Variants in CHCHD3 observed in about 807,000 individuals in gnomAD.
CHCHD3 encodes the protein MICOS complex subunit MIC19.
In CHCHD3, 20 loss-of-function variants were observed where a neutral mutation model predicts 38.2. The ratio of observed to expected loss-of-function variants is 0.52; its 90% confidence interval spans 0.37 to 0.76. The LOEUF (loss-of-function observed/expected upper bound fraction) is 0.76, where lower values mean the gene tolerates loss of function less well. Among genes scored for constraint, CHCHD3 ranks in the 30% least tolerant of loss-of-function variants. The pLI is 0.00. For missense variants in CHCHD3, 245 were observed against 279.2 expected, an observed-to-expected ratio of 0.88 and a Z score of 0.87; for synonymous variants, 82 against 100.0, an observed-to-expected ratio of 0.82 and a Z score of 1.07.
intron 5 of CHCHD3, chr7:132,849,478 A>G (rs1808161312): frequency 6.6e-6 from 1 of 152,160 alleles, no homozygotes; most frequent in Admixed American, 6.5e-5. Flanking sequence ...AATCCATATC[A>G]CCAGTCATCA....
chr7:132,921,993 A>G (rs147217441), intron 4 of CHCHD3, among the ~76,000 whole-genome samples: 1 of 152,356 alleles, frequency 6.6e-6, no homozygotes, highest in East Asian at 1.9e-4. Flanking sequence ...AACAGTCCAT[A>G]AGAAGTGCAG....
intron 6 of CHCHD3, chr7:132,813,441 G>C (rs1349295257): frequency 2.6e-5 from 4 of 152,048 alleles, no homozygotes; most frequent in Admixed American, 2.0e-4. Flanking sequence ...TGGAAGCTTG[G>C]GCAAGTTTCT....
At chr7:132,908,276 T>C (rs980965150) in intron 4 of CHCHD3, among the ~76,000 whole-genome samples, 1 of 152,174 alleles carries the variant, frequency 6.6e-6, no homozygotes, top group Non-Finnish European at 1.5e-5. Flanking sequence ...GTGTCCAACT[T>C]GACAAAAGTA....
At chr7:132,801,312 A>T (rs1298119962) in intron 6 of CHCHD3, among the ~76,000 whole-genome samples, 1 of 152,134 alleles carries the variant, frequency 6.6e-6, no homozygotes, top group Admixed American at 6.5e-5. Context: ...GATCTGAAAA[A>T]TTCAATTTTA....
intron 4 of CHCHD3, among the ~76,000 whole-genome samples, chr7:132,963,186 A>C (rs1417527517): frequency 6.7e-6 from 1 of 149,532 alleles, no homozygotes; most frequent in Non-Finnish European, 1.5e-5. Flanking sequence ...TGTAGGCAGA[A>C]ATAGAATGAT....
chr7:132,992,300 C>T (rs1055861890), intron 3 of CHCHD3, among the ~76,000 whole-genome samples: 4 of 152,210 alleles, frequency 2.6e-5, no homozygotes, highest in African/African-American at 9.7e-5. Flanking sequence ...ACTGACCCTA[C>T]CTACTGGCAC....
At chr7:132,918,674 C>A (rs1413158341) in intron 4 of CHCHD3, among the ~76,000 whole-genome samples, 1 of 152,140 alleles carries the variant, frequency 6.6e-6, no homozygotes, top group Non-Finnish European at 1.5e-5. Context: ...GTGCAGAACC[C>A]TTCTAGATTT....
At chr7:132,857,006 T>C (rs767649274) in intron 5 of CHCHD3, among the ~76,000 whole-genome samples, 2 of 152,216 alleles carry the variant, frequency 1.3e-5, no homozygotes, top group African/African-American at 2.4e-5. Flanking sequence ...GCTGCAGTTT[T>C]TGGTTTAGTG....
chr7:132,973,783 G>A, intron 4 of CHCHD3: 2 of 1,084,776 alleles, frequency 1.8e-6, no homozygotes, highest in South Asian at 2.5e-5. Context: ...GACTAGAAAT[G>A]AGCCTTCTTC....
At chr7:132,875,603 C>T (rs1258346739) in intron 5 of CHCHD3, among the ~76,000 whole-genome samples, 1 of 152,180 alleles carries the variant, frequency 6.6e-6, no homozygotes, top group Non-Finnish European at 1.5e-5. Flanking sequence ...TCCATGGGCC[C>T]ATTGCGCCAC....
At chr7:132,906,274 T>C (rs1054886036) in intron 4 of CHCHD3, among the ~76,000 whole-genome samples, 1 of 152,206 alleles carries the variant, frequency 6.6e-6, no homozygotes, top group African/African-American at 2.4e-5. Context: ...ATTTGTCACT[T>C]TGCACAAAAT....
chr7:132,875,850 C>A (rs942761179), intron 5 of CHCHD3, among the ~76,000 whole-genome samples: 1 of 152,218 alleles, frequency 6.6e-6, no homozygotes, highest in Non-Finnish European at 1.5e-5. Flanking sequence ...TCATTAAATG[C>A]CAACCTTACT....
chr7:132,978,936 T>A (rs970509903), intron 3 of CHCHD3, among the ~76,000 whole-genome samples: 25 of 152,190 alleles, frequency 1.6e-4, no homozygotes, highest in African/African-American at 3.6e-4. Flanking sequence ...TTATAAATTT[T>A]AAAAAAACTT....
chr7:132,967,027 G>A (rs1045612339), intron 4 of CHCHD3, among the ~76,000 whole-genome samples: 4 of 152,010 alleles, frequency 2.6e-5, no homozygotes, highest in African/African-American at 7.3e-5. Flanking sequence ...GGACTTTTAC[G>A]CAGTGCTCTC....
intron 2 of CHCHD3, among the ~76,000 whole-genome samples, chr7:133,050,882 G>A (rs1012861612): frequency 6.6e-6 from 1 of 151,994 alleles, no homozygotes; most frequent in Non-Finnish European, 1.5e-5. Context: ...CAGGCGTGGT[G>A]GAACGTGCCT....
intron 4 of CHCHD3, among the ~76,000 whole-genome samples, chr7:132,941,385 T>C (rs139315866): frequency 1.3e-5 from 2 of 152,068 alleles, no homozygotes; most frequent in Admixed American, 1.3e-4. Context: ...TGCTCCCTAC[T>C]TCTCAACGGA....
At chr7:132,937,563 C>G (rs920603328) in intron 4 of CHCHD3, among the ~76,000 whole-genome samples, 1 of 152,108 alleles carries the variant, frequency 6.6e-6, no homozygotes, top group Non-Finnish European at 1.5e-5. Flanking sequence ...TTCAAAGACT[C>G]CTGGTAAAGT....
chr7:132,898,272 T>G (rs1188094622), intron 4 of CHCHD3, among the ~76,000 whole-genome samples: 1 of 152,116 alleles, frequency 6.6e-6, no homozygotes, highest in Non-Finnish European at 1.5e-5. Flanking sequence ...TATATTCTCT[T>G]TTCTGGCCCC....
chr7:132,830,757 T>C (rs914416156), intron 6 of CHCHD3: 2 of 152,214 alleles, frequency 1.3e-5, no homozygotes, highest in African/African-American at 2.4e-5. Flanking sequence ...ACTATGGAAG[T>C]TGACATAGGT....
Sources: gnomAD v4.1 joint callset for allele counts (sites outside exome capture counted in the v4.1 genomes callset) on GRCh38, gnomAD v4.1.1 for gene constraint, MANE v1.5 for transcripts, NCBI Gene and HGNC (gene_info 2026-07-23, HGNC 2026-07-21) for gene names.